Variants in ENTHD1 observed in about 807,000 individuals in gnomAD.
The protein encoded by ENTHD1 is ENTH domain-containing protein 1.
ENTHD1 carries 23 observed loss-of-function variants against 39.1 expected under a neutral mutation model. That is an observed-to-expected ratio of 0.59 (90% CI 0.42 to 0.83). The LOEUF is 0.83. Ranked by LOEUF, ENTHD1 falls within the 40% of genes least tolerant of loss-of-function variation. The pLI is 0.00. For synonymous variants in ENTHD1, 230 were observed against 258.2 expected (o/e 0.89, Z 1.05); for missense variants, 624 against 705.4 (o/e 0.88, Z 1.31).
chr22:39,757,396 A>G (rs572892408), intron 6 of ENTHD1, among the ~76,000 whole-genome samples: 1 of 152,252 alleles, frequency 6.6e-6, no homozygotes, highest in Non-Finnish European at 1.5e-5. Context: ...CAGCCTCCCA[A>G]GGAGCTGGGA....
At chr22:39,884,841 A>C (rs1382677506) in intron 2 of ENTHD1, among the ~76,000 whole-genome samples, 1 of 152,202 alleles carries the variant, frequency 6.6e-6, no homozygotes, top group Non-Finnish European at 1.5e-5. Flanking sequence ...CACATACACA[A>C]ATTAATTCAA....
chr22:39,883,656 A>C (rs966477446), intron 2 of ENTHD1, among the ~76,000 whole-genome samples: 1 of 152,138 alleles, frequency 6.6e-6, no homozygotes, highest in Admixed American at 6.5e-5. Context: ...ATATACAAAA[A>C]TCATTTAATC....
intron 6 of ENTHD1, among the ~76,000 whole-genome samples, chr22:39,760,895 T>C (rs1246357048): frequency 6.6e-6 from 1 of 152,102 alleles, no homozygotes; most frequent in Non-Finnish European, 1.5e-5. Flanking sequence ...GAACTTTCCA[T>C]TCTTGGTGCT....
At chr22:39,767,731 C>T (rs560806647) in intron 5 of ENTHD1, among the ~76,000 whole-genome samples, 1 of 152,300 alleles carries the variant, frequency 6.6e-6, no homozygotes, top group East Asian at 1.9e-4. Context: ...ATGACCAGAA[C>T]TTTCTGATGA....
rs192980959 is a variant in ENTHD1, at chr22:39,824,364, C to A, written c.712-3251G>T. 5.3e-5 allele frequency among the ~76,000 whole-genome samples: 8 copies of A among 151,940 alleles called. 1 individual carries two copies. The highest frequency in any genetic ancestry group is 1.2e-4 in the African/African-American group (5 of 41,416). ...AGCTGGGATTACAGGCGCATGCCAC[C>A]ACGACCAGGTAATTTTTTGTATCTT... is the stretch of plus-strand genomic sequence containing the variant. On this transcript the variant is annotated intron_variant, in intron 4 of 6. Coordinates refer to ENST00000325157, the MANE Select transcript of ENTHD1 (RefSeq NM_152512.4).
chr22:39,872,115 A>T (rs767976214), intron 2 of ENTHD1, among the ~76,000 whole-genome samples: 1 of 152,124 alleles, frequency 6.6e-6, no homozygotes, highest in Non-Finnish European at 1.5e-5. Flanking sequence ...ATTAAATCTG[A>T]TCCACTTTTA....
At chr22:39,813,080 GC>G (rs2065706168) in intron 5 of ENTHD1, among the ~76,000 whole-genome samples, 1 of 152,162 alleles carries the variant, frequency 6.6e-6, no homozygotes, top group Non-Finnish European at 1.5e-5. Context: ...ACTGTGCCCG[GC>G]CCAGTGCTTT....
chr22:39,749,614 T>C (rs1315658368), intron 6 of ENTHD1, among the ~76,000 whole-genome samples: 1 of 152,276 alleles, frequency 6.6e-6, no homozygotes, highest in Non-Finnish European at 1.5e-5. Flanking sequence ...TAGTTCACTG[T>C]AAAACAGAGA....
intron 5 of ENTHD1, among the ~76,000 whole-genome samples, chr22:39,779,513 A>AG (rs2065391506): frequency 6.6e-6 from 1 of 152,086 alleles, no homozygotes; most frequent in Non-Finnish European, 1.5e-5. Flanking sequence ...GAAATGCTAA[A>AG]GGGAGTTATT....
rs376701597 is a variant in ENTHD1, at chr22:39,743,806, A to G, written c.1697T>C (p.Leu566Pro). The change falls in exon 7 of 7, where the codon CTG becomes CCG. Residue 566 changes from leucine (L) to proline (P), a missense_variant. Transcript: ENST00000325157. ...ATTAAGTTCTTGGATCACTGTGCTC[A>G]GATCTTCATGTAATCTAGCGATCGC... ...KRAIARLHED[L>P]STVIQELNVI... The G allele has an allele frequency of 2.5e-6, 4 of 1,614,068 alleles. No homozygotes were observed. In the African/African-American group the frequency reaches 5.3e-5, roughly 22 times the overall value.
chr22:39,769,640 C>G (rs537555137), intron 5 of ENTHD1, among the ~76,000 whole-genome samples: 1 of 152,068 alleles, frequency 6.6e-6, no homozygotes, highest in South Asian at 2.1e-4. Flanking sequence ...AACTGGTCAC[C>G]AAGGCTGCAG....
chr22:39,743,361 T>G lies in ENTHD1; in HGVS notation c.*318A>C. ...TATCCAAAAGCTCTTGAATAGTCATTTGCAGTTTGAGGTCTTACCACAATT... is the reference window on the plus strand; with the variant it reads ...TATCCAAAAGCTCTTGAATAGTCATGTGCAGTTTGAGGTCTTACCACAATT... On this transcript the variant is annotated 3_prime_UTR_variant, in exon 7 of 7. Transcript: ENST00000325157. 1 of 216,616 alleles carries G rather than the reference T, an allele frequency of 4.6e-6. No homozygotes were observed. Among genetic ancestry groups the G allele is most frequent in the South Asian group, 1.1e-4 (1 of 9,462 alleles). The allele number at this position is 216,616 out of a possible 1,614,324, so 13.4% of individuals were successfully genotyped here.
chr22:39,850,145 C>A (rs559377082), intron 3 of ENTHD1, among the ~76,000 whole-genome samples: 5 of 152,034 alleles, frequency 3.3e-5, no homozygotes, highest in Non-Finnish European at 7.4e-5. Flanking sequence ...AGTTTCATGT[C>A]CTTCACCTAT....
chr22:39,870,371 A>C (rs893512390), intron 2 of ENTHD1, among the ~76,000 whole-genome samples: 1 of 152,126 alleles, frequency 6.6e-6, no homozygotes, highest in Admixed American at 6.6e-5. Flanking sequence ...CAAGATTAAA[A>C]AGATTAATTA....
intron 5 of ENTHD1, among the ~76,000 whole-genome samples, chr22:39,799,610 A>G (rs890539866): frequency 2.0e-5 from 3 of 151,940 alleles, no homozygotes; most frequent in Non-Finnish European, 4.4e-5. Context: ...AAGAGGCTAG[A>G]CTCCCCTGCA....
intron 5 of ENTHD1, among the ~76,000 whole-genome samples, chr22:39,803,804 A>G (rs2065618416): frequency 6.6e-6 from 1 of 152,212 alleles, no homozygotes; most frequent in Non-Finnish European, 1.5e-5. Context: ...ATCAGTATCA[A>G]AATTAACAGA....
At chr22:39,765,673 T>C in intron 5 of ENTHD1, 64 bp from the exon 6 acceptor site, 1 of 1,409,390 alleles carries the variant, frequency 7.1e-7, no homozygotes, top group Non-Finnish European at 9.5e-7. Context: ...ATTTCAAATC[T>C]GTTATAATTT....
chr22:39,810,757 C>A (rs1264227072), intron 5 of ENTHD1, among the ~76,000 whole-genome samples: 1 of 152,156 alleles, frequency 6.6e-6, no homozygotes, highest in Non-Finnish European at 1.5e-5. Flanking sequence ...TTTACTAGGG[C>A]AAATCAACAC....
Position 39,867,133 on chromosome 22 carries a change from G to A in ENTHD1, c.350-5126C>T, listed in dbSNP as rs757556073. ...TTAGCCAGGATGGTCTTGATCTCCT[G>A]ACCTCACGATCCACCCACCTCAGCC... is the stretch of plus-strand genomic sequence containing the variant. On this transcript the variant is annotated intron_variant, in intron 2 of 6. Coordinates refer to ENST00000325157, the MANE Select transcript of ENTHD1 (RefSeq NM_152512.4). This position sits in a 1 kb window ranked among gnomAD's most constrained non-coding sequence, Gnocchi z 4.5. Among the ~76,000 whole-genome samples, 2 of 152,130 alleles carry A rather than the reference G, an allele frequency of 1.3e-5. No individual in the cohort carries two copies. Among genetic ancestry groups the A allele is most frequent in the African/African-American group, 2.4e-5 (1 of 41,406 alleles).
Sources: gnomAD v4.1 joint callset for allele counts (sites outside exome capture counted in the v4.1 genomes callset) on GRCh38, gnomAD v4.1.1 for gene constraint, Gnocchi (gnomAD v3.1) non-coding constraint, MANE v1.5 for transcripts, NCBI Gene and HGNC (gene_info 2026-07-23, HGNC 2026-07-21) for gene names.